ARHGAP23: variants seen among roughly 807,000 people sequenced by gnomAD.
The protein encoded by ARHGAP23 is rho GTPase-activating protein 23.
Under a neutral mutation model 136.3 loss-of-function variants are expected in ARHGAP23, and 34 were observed. The observed-to-expected ratio is 0.25, with a 90% CI of 0.19 to 0.33. ARHGAP23 has a LOEUF of 0.33. Ranked by LOEUF, ARHGAP23 falls within the 10% of genes least tolerant of loss-of-function variation. The pLI, the probability that ARHGAP23 is intolerant of heterozygous loss-of-function variation, is 1.00. For missense variants in ARHGAP23, 1,808 were observed against 2,139.0 expected, an observed-to-expected ratio of 0.85 and a Z score of 3.05; for synonymous variants, 832 against 920.5, an observed-to-expected ratio of 0.90 and a Z score of 1.74.
chr17:38,487,842 T>A (rs1230639362), intron 17 of ARHGAP23, among the ~76,000 whole-genome samples: 1 of 151,998 alleles, frequency 6.6e-6, no homozygotes, highest in Admixed American at 6.6e-5. Flanking sequence ...TCAGCCTGGG[T>A]GACAGAGCAA....
intron 2 of ARHGAP23, among the ~76,000 whole-genome samples, chr17:38,460,059 C>T (rs994702837): frequency 7.9e-5 from 12 of 152,146 alleles, no homozygotes; most frequent in Admixed American, 1.3e-4. Flanking sequence ...GAAGAGATGA[C>T]GCTGAAGGTC....
chr17:38,506,574 T>A (rs1232173880), intron 23 of ARHGAP23, among the ~76,000 whole-genome samples: 2 of 152,112 alleles, frequency 1.3e-5, no homozygotes, highest in Non-Finnish European at 2.9e-5. Context: ...CTGGTGAGGG[T>A]TCCCTGCCTG....
At chr17:38,430,473 G>A (rs1314416814) in intron 1 of ARHGAP23, among the ~76,000 whole-genome samples, 1 of 152,204 alleles carries the variant, frequency 6.6e-6, no homozygotes, top group Non-Finnish European at 1.5e-5. Context: ...ATGGATGGGA[G>A]TGGGGGTGAG....
At chr17:38,428,351 G>T (rs2038602246), upstream of ARHGAP23, 1 of 300,064 alleles carries the variant, frequency 3.3e-6, no homozygotes, top group Non-Finnish European at 5.9e-6. Context: ...TGGTGGGAAG[G>T]GGGAGGGGCG....
upstream of ARHGAP23, among the ~76,000 whole-genome samples, chr17:38,426,582 T>A (rs1476766652): frequency 8.6e-6 from 1 of 116,180 alleles, no homozygotes; most frequent in Non-Finnish European, 1.8e-5. Context: ...ATCCAGGCAG[T>A]ATGACAGATT....
Position 38,486,020 on chromosome 17 carries a change from G to A in ARHGAP23, c.2908-42G>A, listed in dbSNP as rs566672375. On this transcript the variant is annotated intron_variant, in intron 16 of 23. Coordinates refer to ENST00000622683, the MANE Select transcript of ARHGAP23 (RefSeq NM_001199417.2). ...GAATGATCGTGGAGGCATGGGCATC[G>A]GGCTGGGCCTGCCTGTGCCTGACAT... The A allele has an allele frequency of 2.2e-5, 34 of 1,531,478 alleles. No individual in the cohort carries two copies. In the Admixed American group the frequency reaches 2.7e-4, roughly 12 times the overall value. 94.9% of individuals were successfully genotyped at this position (1,531,478 alleles called of 1,614,324 possible).
chr17:38,510,621 G>C lies in ARHGAP23; in HGVS notation c.4125G>C (p.Arg1375Ser). ...RPSRMEALRLRLRGTADDMLA... is the reference protein window; with the variant it reads ...RPSRMEALRLSLRGTADDMLA... ...CGCGCATGGAGGCGCTGCGTCTAAG[G>C]CTCCGCGGCACGGCGGACGACATGC... Residue 1375 changes from arginine to serine, a missense_variant, in exon 24 of 24, where the codon AGG becomes AGC. Arg to Ser is a moderately radical substitution (Grantham distance 110). This residue lies in a region of ARHGAP23 where 506 missense variants were observed against 455.8 expected (regional missense o/e 1.11). Coordinates refer to ENST00000622683, the MANE Select transcript of ARHGAP23 (RefSeq NM_001199417.2). The surrounding 1 kb of genome is among the most constrained non-coding windows in gnomAD (Gnocchi z 4.6). 1 of 1,344,790 alleles carries C rather than the reference G, an allele frequency of 7.4e-7. No individual in the cohort carries two copies. The highest frequency in any genetic ancestry group is 9.5e-7 in the Non-Finnish European group (1 of 1,056,494). 83.3% of individuals were successfully genotyped at this position (1,344,790 alleles called of 1,614,324 possible).
In ARHGAP23 at chr17:38,466,302, A is replaced by G. The variant is rs2144644635; in HGVS notation, c.619A>G (p.Met207Val). The change falls in exon 7 of 24, where the codon ATG becomes GTG. Residue 207 changes from methionine to valine, a missense_variant. Physicochemically the swap from Met to Val is conservative, Grantham distance 21 (BLOSUM62 1). Transcript: ENST00000622683. ...PPARASTRAT[M>V]VPEPTSALPS... ...TGCCCGGGCCTCCACCAGGGCCACT[A>G]TGGTGCCTGAGCCCACCTCAGCACT... 6.5e-7 allele frequency: 1 copy of G among 1,546,200 alleles called. No homozygotes were observed. Among genetic ancestry groups the G allele is most frequent in the Non-Finnish European group, 8.7e-7 (1 of 1,146,560 alleles).
chr17:38,472,859 A>G (rs957804194), intron 11 of ARHGAP23, among the ~76,000 whole-genome samples: 4 of 152,228 alleles, frequency 2.6e-5, no homozygotes, highest in African/African-American at 9.6e-5. Flanking sequence ...GCCTATTGCT[A>G]AGGATTAAAT....
intron 1 of ARHGAP23, among the ~76,000 whole-genome samples, chr17:38,435,879 G>A (rs1272430463): frequency 6.6e-6 from 1 of 152,216 alleles, no homozygotes. Context: ...GGGATTACAG[G>A]CGTGAGCCAC....
chr17:38,469,121 C>G, intron 7 of ARHGAP23, 23 bp from the exon 8 acceptor site: 4 of 1,538,242 alleles, frequency 2.6e-6, no homozygotes, highest in South Asian at 2.4e-5. Flanking sequence ...TGCCTTCACA[C>G]CTTTCTCCTT....
At chr17:38,505,472 G>A (rs952719366) in intron 23 of ARHGAP23, among the ~76,000 whole-genome samples, 29 of 151,972 alleles carry the variant, frequency 1.9e-4, no homozygotes, top group Non-Finnish European at 3.4e-4. Context: ...TGATTTCCCC[G>A]GCCCTGCCCT....
At position 38,477,908 on chromosome 17, in the gene ARHGAP23, G is replaced by A. The variant is rs1597813365; in HGVS notation, c.2436+12G>A. The A allele has an allele frequency of 1.9e-6, 3 of 1,547,526 alleles. No homozygotes were observed. Among genetic ancestry groups the A allele is most frequent in the East Asian group, 4.9e-5 (2 of 40,888 alleles). The stretch of plus-strand genomic sequence containing the variant: ...GGGCCGAGGGCGAGGTGAGGGCCCG[G>A]CCAGCCCGGCAGCCACAGAGGGCGG... On this transcript the variant is annotated intron_variant, in intron 12 of 23. Coordinates refer to ENST00000622683, the MANE Select transcript of ARHGAP23 (RefSeq NM_001199417.2). This position sits in a 1 kb window ranked among gnomAD's most constrained non-coding sequence, Gnocchi z 6.6.
chr17:38,422,049 G>T (rs1597727716), intron 1 of ARHGAP23, among the ~76,000 whole-genome samples: 3 of 152,210 alleles, frequency 2.0e-5, no homozygotes, highest in African/African-American at 7.2e-5. Context: ...GAATTGAAAA[G>T]CCCTATGTAG....
At chr17:38,427,164 C>A (rs2038582184), upstream of ARHGAP23, among the ~76,000 whole-genome samples, 1 of 152,166 alleles carries the variant, frequency 6.6e-6, no homozygotes, top group African/African-American at 2.4e-5. Context: ...TAGCTATTTT[C>A]TAATAATGAA....
upstream of ARHGAP23, among the ~76,000 whole-genome samples, chr17:38,424,788 G>A (rs1037608535): frequency 4.6e-5 from 7 of 152,214 alleles, no homozygotes; most frequent in African/African-American, 1.4e-4. Context: ...GAGTTCTCTG[G>A]GCCTCATTTT....
chr17:38,488,261 G>A (rs2040200260), intron 17 of ARHGAP23, among the ~76,000 whole-genome samples: 1 of 152,104 alleles, frequency 6.6e-6, no homozygotes, highest in African/African-American at 2.4e-5. Flanking sequence ...AAGGGAAATG[G>A]TATCTCATTA....
At chr17:38,476,370 C>T (rs1567809099) in intron 11 of ARHGAP23, among the ~76,000 whole-genome samples, 2 of 151,782 alleles carry the variant, frequency 1.3e-5, no homozygotes, top group Non-Finnish European at 2.9e-5. Flanking sequence ...ATGTCAAGGG[C>T]GAGGAAAAGG....
At chr17:38,431,228 C>T (rs1021501256) in intron 1 of ARHGAP23, among the ~76,000 whole-genome samples, 20 of 152,340 alleles carry the variant, frequency 1.3e-4, no homozygotes, top group African/African-American at 4.8e-4. Flanking sequence ...AGCTTAGTTG[C>T]TTGTCTTTTG....
Sources: gnomAD v4.1 joint callset for allele counts (sites outside exome capture counted in the v4.1 genomes callset) on GRCh38, gnomAD v4.1.1 for gene constraint, gnomAD v4.1.1 regional missense constraint, Gnocchi (gnomAD v3.1) non-coding constraint, MANE v1.5 for transcripts, NCBI Gene and HGNC (gene_info 2026-07-23, HGNC 2026-07-21) for gene names.